Variants in GPC5 observed in about 807,000 individuals in gnomAD.
GPC5 encodes glypican 5, also known as glypican-5.
GPC5 carries 47 observed loss-of-function variants against 53.9 expected under a neutral mutation model. The ratio of observed to expected loss-of-function variants is 0.87; its 90% CI spans 0.69 to 1.11. GPC5 has a LOEUF of 1.11. GPC5 is among the 50% of genes most tolerant of loss of function. The probability of loss-of-function intolerance (pLI) is 0.00; values close to 1 mark genes in which losing one functional copy is unlikely to be tolerated. For missense variants in GPC5, 748 were observed against 713.1 expected (o/e 1.05, Z -0.56); for synonymous variants, 286 against 263.3 (o/e 1.09, Z -0.84).
intron 4 of GPC5, among the ~76,000 whole-genome samples, chr13:91,729,977 ATC>A (rs2036659843): frequency 1.3e-5 from 2 of 152,192 alleles, no homozygotes; most frequent in African/African-American, 4.8e-5. Flanking sequence ...AAAAGTATCT[ATC>A]CTGGCCACTG....
chr13:92,149,845 C>A (rs2041894547), intron 7 of GPC5, among the ~76,000 whole-genome samples: 1 of 151,892 alleles, frequency 6.6e-6, no homozygotes, highest in Non-Finnish European at 1.5e-5. Flanking sequence ...ATTGCAGATA[C>A]TATTTTATAA....
chr13:92,527,270 A>G (rs1464575712), intron 7 of GPC5, among the ~76,000 whole-genome samples: 5 of 149,902 alleles, frequency 3.3e-5, no homozygotes, highest in Admixed American at 2.7e-4. Flanking sequence ...AAAGAAAGAA[A>G]GAAAGAAAGA....
intron 7 of GPC5, among the ~76,000 whole-genome samples, chr13:92,264,609 A>G (rs1256496351): frequency 6.6e-6 from 1 of 151,324 alleles, no homozygotes; most frequent in Non-Finnish European, 1.5e-5. Flanking sequence ...TACAGTCAAG[A>G]CCCTCCACTA....
intron 7 of GPC5, among the ~76,000 whole-genome samples, chr13:92,366,754 GA>G (rs199867372): frequency 6.6e-6 from 1 of 152,054 alleles, no homozygotes; most frequent in East Asian, 1.9e-4. Context: ...CTACACTTAA[GA>G]AAAAATGTCA....
In GPC5 at chr13:92,393,154, G is replaced by A. The variant is rs1227816005; in HGVS notation, c.1561+248165G>A. On this transcript the variant is annotated intron_variant, in intron 7 of 7. Transcript: ENST00000377067. ...GCAAAGATATGGAATCAATCTAAAA[G>A]CCCATCAGTGACAGACTGGATAGAG... Among the ~76,000 whole-genome samples, 6 of 152,030 alleles carry A rather than the reference G, an allele frequency of 3.9e-5. No individual in the cohort carries two copies. In the East Asian group the frequency reaches 9.7e-4, roughly 24 times the overall value.
chr13:92,085,185 C>T (rs2041326429), intron 6 of GPC5, among the ~76,000 whole-genome samples: 1 of 152,110 alleles, frequency 6.6e-6, no homozygotes, highest in South Asian at 2.1e-4. Flanking sequence ...TAGACCATAG[C>T]ACGAGTCGAT....
intron 2 of GPC5, among the ~76,000 whole-genome samples, chr13:91,659,767 C>T (rs1594392718): frequency 6.6e-6 from 1 of 152,288 alleles, no homozygotes; most frequent in African/African-American, 2.4e-5. Flanking sequence ...CCACCATGAT[C>T]GCCACCTCCT....
At chr13:91,754,639 T>C (rs1179646626) in intron 4 of GPC5, among the ~76,000 whole-genome samples, 1 of 152,146 alleles carries the variant, frequency 6.6e-6, no homozygotes, top group East Asian at 1.9e-4. Flanking sequence ...GAGTCACACA[T>C]CCTGCCATTC....
At chr13:92,219,113 G>T (rs1420641436) in intron 7 of GPC5, among the ~76,000 whole-genome samples, 1 of 151,970 alleles carries the variant, frequency 6.6e-6, no homozygotes, top group Admixed American at 6.6e-5. Flanking sequence ...ATTGTGTTGA[G>T]TATGGGGTTT....
chr13:92,839,574 T>C (rs1025491004), intron 7 of GPC5, among the ~76,000 whole-genome samples: 15 of 152,148 alleles, frequency 9.9e-5, no homozygotes, highest in African/African-American at 3.6e-4. Context: ...TGTTCCTGTG[T>C]TAGTTTGTTA....
At chr13:91,910,054 T>C (rs1042705213) in intron 6 of GPC5, among the ~76,000 whole-genome samples, 2 of 152,208 alleles carry the variant, frequency 1.3e-5, no homozygotes, top group Non-Finnish European at 2.9e-5. Context: ...TCTATCCTTT[T>C]AAGGTCTACT....
chr13:91,972,715 T>C, intron 6 of GPC5, among the ~76,000 whole-genome samples: 1 of 152,164 alleles, frequency 6.6e-6, no homozygotes, highest in South Asian at 2.1e-4. Flanking sequence ...TTATTTCTCC[T>C]TCACTTGTTA....
intron 7 of GPC5, among the ~76,000 whole-genome samples, chr13:92,570,503 T>A (rs1882990922): frequency 1.3e-5 from 2 of 152,118 alleles, no homozygotes; most frequent in Non-Finnish European, 2.9e-5. Context: ...AAAATAAAGG[T>A]TATTTAATTT....
intron 7 of GPC5, among the ~76,000 whole-genome samples, chr13:92,726,585 CT>C (rs538299387): frequency 2.1e-4 from 32 of 151,582 alleles, no homozygotes; most frequent in African/African-American, 6.5e-4. Context: ...AGGAATAAAA[CT>C]TTTTTTCCAA....
chr13:92,280,908 A>G (rs946727485), intron 7 of GPC5, among the ~76,000 whole-genome samples: 1 of 152,102 alleles, frequency 6.6e-6, no homozygotes, highest in African/African-American at 2.4e-5. Context: ...GGGCAGGACA[A>G]TGGGTGCAGC....
intron 7 of GPC5, among the ~76,000 whole-genome samples, chr13:92,810,955 C>G (rs1164613432): frequency 6.6e-6 from 1 of 151,910 alleles, no homozygotes; most frequent in Non-Finnish European, 1.5e-5. Context: ...CTCCTGACCT[C>G]ATGATCTGCC....
chr13:91,607,837 A>G (rs1199022754), intron 2 of GPC5, among the ~76,000 whole-genome samples: 2 of 152,212 alleles, frequency 1.3e-5, no homozygotes, highest in African/African-American at 4.8e-5. Flanking sequence ...TGGACCTTTA[A>G]TTCCTTCCCA....
chr13:92,449,451 C>G (rs1028375674), intron 7 of GPC5, among the ~76,000 whole-genome samples: 1 of 152,064 alleles, frequency 6.6e-6, no homozygotes, highest in African/African-American at 2.4e-5. Flanking sequence ...TCCATATTAT[C>G]TATACTTTAT....
chr13:91,984,782 AT>A (rs1160184607), intron 6 of GPC5, among the ~76,000 whole-genome samples: 4 of 152,148 alleles, frequency 2.6e-5, no homozygotes, highest in South Asian at 4.1e-4. Context: ...ACATTTGGCC[AT>A]TTTTATTTAT....
Sources: gnomAD v4.1 joint callset for allele counts (sites outside exome capture counted in the v4.1 genomes callset) on GRCh38, gnomAD v4.1.1 for gene constraint, MANE v1.5 for transcripts, NCBI Gene and HGNC (gene_info 2026-07-23, HGNC 2026-07-21) for gene names.